Variants in CTNNA3 observed in about 807,000 individuals in gnomAD.
The protein encoded by CTNNA3 is catenin alpha-3.
In CTNNA3, 76 loss-of-function variants were observed where a neutral mutation model predicts 95.7. The observed-to-expected ratio is 0.79, with a 90% CI of 0.66 to 0.96. The LOEUF (loss-of-function observed/expected upper bound fraction) is 0.96. Among genes scored for constraint, CTNNA3 ranks in the 40% least tolerant of loss-of-function variants. The pLI is 0.00. For synonymous variants in CTNNA3, 431 were observed against 374.4 expected (o/e 1.15, Z -1.74); for missense variants, 1,191 against 1,089.8 (o/e 1.09, Z -1.31).
intron 10 of CTNNA3, among the ~76,000 whole-genome samples, chr10:66,569,174 T>C (rs1053358055): frequency 1.3e-5 from 2 of 152,036 alleles, no homozygotes; most frequent in Non-Finnish European, 2.9e-5. Context: ...GCCCCATCGA[T>C]GTTCTCCTAG....
At chr10:67,727,700 C>A (rs1402810305) in intron 1 of CTNNA3, among the ~76,000 whole-genome samples, 6 of 122,716 alleles carry the variant, frequency 4.9e-5, no homozygotes, top group Non-Finnish European at 8.0e-5. Context: ...TATAATAGAT[C>A]ATAGATAATA....
rs191509413 is a variant in CTNNA3, at chr10:67,266,342, G to A, written c.580-46472C>T. On this transcript the variant is annotated intron_variant, in intron 5 of 17. Transcript: ENST00000433211. ...CTCAGAGGGGAGGCTATCCTCCCCT[G>A]TCCCCTCCATGGCTGGCTATTTGCT... Among the ~76,000 whole-genome samples the A allele has an allele frequency of 2.3e-3, 346 of 152,102 alleles. 2 individuals carry two copies. The highest frequency in any genetic ancestry group is 7.9e-3 in the African/African-American group (330 of 41,512).
chr10:67,329,758 A>G (rs1226478686), intron 5 of CTNNA3, among the ~76,000 whole-genome samples: 1 of 152,248 alleles, frequency 6.6e-6, no homozygotes, highest in Non-Finnish European at 1.5e-5. Flanking sequence ...TGAAATGAGC[A>G]ATTAGCTGCA....
chr10:66,487,181 A>ATTTT lies in CTNNA3; in HGVS notation c.1531+33432_1531+33435dup, dbSNP rs60547696. On this transcript the variant is annotated intron_variant, in intron 11 of 17. Coordinates refer to ENST00000433211, the MANE Select transcript of CTNNA3 (RefSeq NM_013266.4). ...TACTTGAAATTTAATAAAAGGGCAGATTTTTTTTTTTTTTTTTTTTTTTTT... is the reference window on the plus strand; with the variant it reads ...TACTTGAAATTTAATAAAAGGGCAGATTTTTTTTTTTTTTTTTTTTTTTTTTTTT... 9.8e-4 allele frequency among the ~76,000 whole-genome samples: 45 copies of ATTTT among 45,986 alleles called. 10 individuals are homozygous for ATTTT. Among genetic ancestry groups the ATTTT allele is most frequent in the African/African-American group, 3.6e-3 (40 of 11,114 alleles). 30.2% of individuals were successfully genotyped at this position (45,986 alleles called of 152,430 possible).
chr10:66,571,999 C>T (rs1842879789), intron 10 of CTNNA3, among the ~76,000 whole-genome samples: 1 of 152,028 alleles, frequency 6.6e-6, no homozygotes, highest in African/African-American at 2.4e-5. Context: ...TGTTCTTAAC[C>T]ACTATACATA....
At chr10:66,503,446 CAAGCATACATAA>C (rs1217692297) in intron 11 of CTNNA3, among the ~76,000 whole-genome samples, 1 of 151,936 alleles carries the variant, frequency 6.6e-6, no homozygotes, top group Non-Finnish European at 1.5e-5. Context: ...TATCTATCTT[CAAGCATACATAA>C]CTCCCTCCAA....
chr10:67,257,135 T>C (rs996823016), intron 5 of CTNNA3, among the ~76,000 whole-genome samples: 10 of 152,212 alleles, frequency 6.6e-5, no homozygotes, highest in Non-Finnish European at 1.2e-4. Context: ...AAACAATAGT[T>C]ATCTAAATAG....
At chr10:67,304,594 G>GT (rs1172214385) in intron 5 of CTNNA3, among the ~76,000 whole-genome samples, 3 of 151,618 alleles carry the variant, frequency 2.0e-5, no homozygotes, top group African/African-American at 4.8e-5. Context: ...ACTATTTTTG[G>GT]TTTTTTTTCT....
chr10:66,395,869 G>A (rs914612405), intron 11 of CTNNA3, among the ~76,000 whole-genome samples: 4 of 151,928 alleles, frequency 2.6e-5, no homozygotes, highest in African/African-American at 9.7e-5. Flanking sequence ...TGGGCTCCTA[G>A]CATACCCATC....
Position 67,180,434 on chromosome 10 carries a change from C to A in CTNNA3, c.930G>T (p.Gly310=), listed in dbSNP as rs144152750. 17 of 1,613,610 alleles carry A rather than the reference C, an allele frequency of 1.1e-5. No individual in the cohort carries two copies. Among genetic ancestry groups the A allele is most frequent in the Non-Finnish European group, 1.4e-5 (17 of 1,179,840 alleles). ...ATGAAGAATCCGCCAGCAGAGCAGC[C>A]CCACTGATAATGGCTTCAAGGCGTT... ...LEKRLEAIIS[G]AALLADSSCT... The change falls in exon 7 of 18, where the codon GGG becomes GGT. Residue 310 remains glycine, a synonymous_variant. Transcript: ENST00000433211.
intron 17 of CTNNA3, among the ~76,000 whole-genome samples, chr10:65,945,818 C>T (rs1454353359): frequency 1.3e-5 from 2 of 152,152 alleles, no homozygotes; most frequent in Non-Finnish European, 2.9e-5. Flanking sequence ...AAAACCACTT[C>T]TGGTCATTAT....
chr10:67,505,568 C>T (rs1839404026), intron 5 of CTNNA3, among the ~76,000 whole-genome samples: 1 of 152,106 alleles, frequency 6.6e-6, no homozygotes, highest in Admixed American at 6.6e-5. Flanking sequence ...CTTCATTAAG[C>T]AAACAGTAAG....
intron 13 of CTNNA3, among the ~76,000 whole-genome samples, chr10:66,201,649 T>C (rs532408470): frequency 6.6e-6 from 1 of 152,188 alleles, no homozygotes; most frequent in Non-Finnish European, 1.5e-5. Context: ...CTTATTTCTC[T>C]CTATTAGAAT....
intron 3 of CTNNA3, among the ~76,000 whole-genome samples, chr10:67,576,211 G>A (rs1007277193): frequency 7.2e-5 from 11 of 152,116 alleles, no homozygotes; most frequent in African/African-American, 2.2e-4. Context: ...TGAAGCTTCT[G>A]AAGGCCATTT....
At chr10:67,717,239 T>A (rs929678135) in intron 1 of CTNNA3, among the ~76,000 whole-genome samples, 2 of 152,188 alleles carry the variant, frequency 1.3e-5, no homozygotes, top group Non-Finnish European at 2.9e-5. Context: ...ATGGATAGAT[T>A]GCAAAAATGT....
intron 7 of CTNNA3, among the ~76,000 whole-genome samples, chr10:66,853,033 G>T (rs1357895333): frequency 6.6e-6 from 1 of 151,832 alleles, no homozygotes; most frequent in African/African-American, 2.4e-5. Flanking sequence ...AATCTGGCCT[G>T]CCACCTGTTT....
At chr10:67,475,939 T>A (rs1248141772) in intron 5 of CTNNA3, among the ~76,000 whole-genome samples, 1 of 152,096 alleles carries the variant, frequency 6.6e-6, no homozygotes, top group Non-Finnish European at 1.5e-5. Context: ...ATATATGAGA[T>A]TGAGTTGAAG....
chr10:67,591,240 C>A (rs1366471832), intron 3 of CTNNA3, among the ~76,000 whole-genome samples: 3 of 152,062 alleles, frequency 2.0e-5, no homozygotes, highest in African/African-American at 7.2e-5. Context: ...AGCCAACATT[C>A]CACATTTTAA....
intron 5 of CTNNA3, among the ~76,000 whole-genome samples, chr10:67,404,895 G>A (rs1845077354): frequency 6.6e-6 from 1 of 152,158 alleles, no homozygotes; most frequent in African/African-American, 2.4e-5. Flanking sequence ...AGAAGAGATT[G>A]GGGGACAATA....
Sources: allele counts gnomAD v4.1 joint callset (sites outside exome capture counted in the v4.1 genomes callset), GRCh38; gene constraint gnomAD v4.1.1; transcripts MANE v1.5; gene names NCBI Gene and HGNC (gene_info 2026-07-23, HGNC 2026-07-21).